The following BNC2 variants were observed in gnomAD, a reference collection of about 807,000 sequenced individuals.
BNC2 encodes the protein basonuclin zinc finger protein 2.
In BNC2, 20 loss-of-function variants were observed where a neutral mutation model predicts 76.3. That is an observed-to-expected ratio of 0.26 (90% CI 0.18 to 0.38). The LOEUF (loss-of-function observed/expected upper bound fraction) is 0.38. BNC2 is among the 10% of genes least tolerant of loss of function. BNC2 has a pLI of 1.00. For synonymous variants in BNC2, 582 were observed against 514.8 expected (o/e 1.13, Z -1.77); for missense variants, 1,382 against 1,399.8 (o/e 0.99, Z 0.20).
At chr9:16,676,121 A>T (rs1822633149) in intron 3 of BNC2, among the ~76,000 whole-genome samples, 1 of 152,204 alleles carries the variant, frequency 6.6e-6, no homozygotes, top group Admixed American at 6.5e-5. Context: ...TACTGATCCT[A>T]AAGAATTGAA....
chr9:16,638,613 C>T (rs1821396288), intron 3 of BNC2, among the ~76,000 whole-genome samples: 1 of 152,022 alleles, frequency 6.6e-6, no homozygotes, highest in Admixed American at 6.6e-5. Context: ...AAAACCCTTA[C>T]ATATAGGTTA....
chr9:16,608,187 ATTT>A (rs911373849), intron 3 of BNC2, among the ~76,000 whole-genome samples: 1 of 152,106 alleles, frequency 6.6e-6, no homozygotes, highest in African/African-American at 2.4e-5. Flanking sequence ...CCTACTTCCT[ATTT>A]TTAAGTTATT....
In BNC2 at chr9:16,412,626, C is replaced by G. The variant is rs888234634; in HGVS notation, c.*6363G>C. Reference sequence around the variant, plus strand: ...TCCACTTAATAGCTGGAGAGGGCATCGAGAGGCAGCCTTGGGCTTCCCACA... The same window carrying G: ...TCCACTTAATAGCTGGAGAGGGCATGGAGAGGCAGCCTTGGGCTTCCCACA... On this transcript the variant is annotated 3_prime_UTR_variant, in exon 7 of 7. Transcript: ENST00000380672. The G allele has an allele frequency of 6.6e-6, 1 of 151,858 alleles. No homozygotes were observed. 9.4% of individuals were successfully genotyped at this position (151,858 alleles called of 1,614,324 possible). A position where few individuals can be genotyped will look rare whatever the true frequency, so the allele number is the denominator to read the frequency against.
Position 16,621,583 on chromosome 9 carries a change from G to A in BNC2, c.331-38498C>T, listed in dbSNP as rs574306467. On this transcript the variant is annotated intron_variant, in intron 3 of 6. Transcript: ENST00000380672. ...TTCACTTGTATATCAAAGACACCAGGTCTCCTAAATTAACCAAAATAAGAC... is the reference window on the plus strand; with the variant it reads ...TTCACTTGTATATCAAAGACACCAGATCTCCTAAATTAACCAAAATAAGAC... Among the ~76,000 whole-genome samples, 58 of 152,234 alleles carry A rather than the reference G, an allele frequency of 3.8e-4. 1 individual carries two copies. The South Asian group carries it at 0.01, about 27-fold the overall frequency.
intron 5 of BNC2, among the ~76,000 whole-genome samples, chr9:16,537,918 G>C (rs1338989605): frequency 6.6e-6 from 1 of 152,158 alleles, no homozygotes; most frequent in Non-Finnish European, 1.5e-5. Flanking sequence ...CTCCTTCTAA[G>C]GGTGTGCCCC....
At chr9:16,620,498 T>C (rs757201973) in intron 3 of BNC2, among the ~76,000 whole-genome samples, 6 of 152,178 alleles carry the variant, frequency 3.9e-5, no homozygotes, top group Non-Finnish European at 8.8e-5. Context: ...TCTGATATCA[T>C]TATAAAAATT....
intron 1 of BNC2, among the ~76,000 whole-genome samples, chr9:16,753,049 G>A (rs1295882904): frequency 1.3e-5 from 2 of 152,110 alleles, no homozygotes; most frequent in Admixed American, 1.3e-4. Context: ...GACACTAAAG[G>A]TCTGGAAGCA....
At chr9:16,490,770 C>T (rs1822262394) in intron 5 of BNC2, among the ~76,000 whole-genome samples, 1 of 152,074 alleles carries the variant, frequency 6.6e-6, no homozygotes, top group African/African-American at 2.4e-5. Flanking sequence ...AGAGAAGAGT[C>T]CCAACTTTCA....
At chr9:16,453,185 T>G (rs938271640) in intron 5 of BNC2, among the ~76,000 whole-genome samples, 7 of 152,184 alleles carry the variant, frequency 4.6e-5, no homozygotes, top group African/African-American at 7.2e-5. Flanking sequence ...AGATATGTAT[T>G]CTGTTCATCT....
At chr9:16,618,571 T>C (rs2133551999) in intron 3 of BNC2, among the ~76,000 whole-genome samples, 1 of 152,256 alleles carries the variant, frequency 6.6e-6, no homozygotes, top group East Asian at 1.9e-4. Flanking sequence ...GACTTCACAT[T>C]ACAGTACTTA....
At chr9:16,455,530 C>T (rs932280319) in intron 5 of BNC2, among the ~76,000 whole-genome samples, 3 of 152,172 alleles carry the variant, frequency 2.0e-5, no homozygotes, top group South Asian at 2.1e-4. Context: ...ATGGTTCACA[C>T]CTGTAATCTC....
At chr9:16,697,255 G>A (rs1389767193) in intron 3 of BNC2, among the ~76,000 whole-genome samples, 1 of 152,152 alleles carries the variant, frequency 6.6e-6, no homozygotes, top group Non-Finnish European at 1.5e-5. Flanking sequence ...CTACTCAGGA[G>A]GCTGAGGCAG....
At chr9:16,814,082 G>C (rs1818122572) in intron 1 of BNC2, among the ~76,000 whole-genome samples, 1 of 152,204 alleles carries the variant, frequency 6.6e-6, no homozygotes, top group Non-Finnish European at 1.5e-5. Context: ...CTGGGCTGTG[G>C]ACAATGTTTT....
At chr9:16,725,489 T>C (rs1255405150) in intron 3 of BNC2, among the ~76,000 whole-genome samples, 2 of 152,082 alleles carry the variant, frequency 1.3e-5, no homozygotes, top group African/African-American at 2.4e-5. Flanking sequence ...GTTGGGGGGA[T>C]AGGAGTGATT....
chr9:16,690,512 C>A (rs1823126130), intron 3 of BNC2, among the ~76,000 whole-genome samples: 1 of 152,002 alleles, frequency 6.6e-6, no homozygotes, highest in African/African-American at 2.4e-5. Flanking sequence ...TATTATCCAG[C>A]CTGAGTGACA....
At chr9:16,450,924 A>T (rs1821327149) in intron 5 of BNC2, among the ~76,000 whole-genome samples, 1 of 152,210 alleles carries the variant, frequency 6.6e-6, no homozygotes, top group South Asian at 2.1e-4. Context: ...TAGTCTTTGC[A>T]GTTAAGGGGA....
In BNC2 at chr9:16,555,625, C is replaced by A. The variant is rs78826487; in HGVS notation, c.434-2860G>T. Among the ~76,000 whole-genome samples the A allele has an allele frequency of 5.9e-5, 9 of 151,886 alleles. No individual in the cohort carries two copies. In the East Asian group the frequency reaches 1.2e-3, roughly 20 times the overall value. On this transcript the variant is annotated intron_variant, in intron 4 of 6. Transcript: ENST00000380672. Reference sequence around the variant, plus strand: ...CCTGGGCAATGCGGTGAAACTCCCACCTCTACAAAAAATGGAAAAATTAGC... The same window carrying A: ...CCTGGGCAATGCGGTGAAACTCCCAACTCTACAAAAAATGGAAAAATTAGC...
At chr9:16,463,515 C>T (rs1364513297) in intron 5 of BNC2, among the ~76,000 whole-genome samples, 1 of 142,922 alleles carries the variant, frequency 7.0e-6, no homozygotes, top group Non-Finnish European at 1.5e-5. Context: ...CCAGGATGGT[C>T]TCAATCTCCT....
chr9:16,822,545 C>T (rs1393356807), intron 1 of BNC2, among the ~76,000 whole-genome samples: 1 of 152,062 alleles, frequency 6.6e-6, no homozygotes, highest in Non-Finnish European at 1.5e-5. Flanking sequence ...AAAAGAGAGG[C>T]AGAAAGATGG....
Sources: gnomAD v4.1 joint callset for allele counts (sites outside exome capture counted in the v4.1 genomes callset) on GRCh38, gnomAD v4.1.1 for gene constraint, MANE v1.5 for transcripts, NCBI Gene and HGNC (gene_info 2026-07-23, HGNC 2026-07-21) for gene names.